Variants in USP8 observed in about 807,000 individuals in gnomAD.
USP8 encodes ubiquitin specific peptidase 8.
A neutral mutation model predicts 130.0 loss-of-function variants in USP8; 27 were observed. The observed-to-expected ratio is 0.21, with a 90% CI of 0.15 to 0.29. The LOEUF is 0.29. USP8 is among the 10% of genes least tolerant of loss of function. USP8 has a pLI of 1.00. For synonymous variants in USP8, 392 were observed against 444.1 expected, an observed-to-expected ratio of 0.88 and a Z score of 1.48; for missense variants, 1,029 against 1,312.2, an observed-to-expected ratio of 0.78 and a Z score of 3.33.
rs1335058895 is a variant in USP8 at position 50,481,638 on chromosome 15, A to G, written c.1376A>G (p.Asp459Gly). 1.9e-6 allele frequency: 3 copies of G among 1,614,068 alleles called. No individual in the cohort carries two copies. The highest frequency in any genetic ancestry group is 1.1e-5 in the South Asian group (1 of 91,060). Residue 459 changes from aspartate (D) to glycine (G), a missense_variant, in exon 11 of 20, where the codon GAT becomes GGT. Asp to Gly is a moderately conservative substitution (Grantham distance 94). This residue lies in a region of USP8 where 486 missense variants were observed against 522.0 expected (regional missense o/e 0.93). Transcript: ENST00000307179. ...VVFSPTLMLT[D>G]EEKARIHAET... Reference sequence around the variant, plus strand: ...TTTTCTCCAACTCTCATGTTAACAGATGAAGAAAAGGCTCGTATTCATGCA... The same window carrying G: ...TTTTCTCCAACTCTCATGTTAACAGGTGAAGAAAAGGCTCGTATTCATGCA...
chr15:50,495,483 T>G (rs200442497), intron 16 of USP8, among the ~76,000 whole-genome samples: 4,754 of 93,508 alleles, frequency 0.051, 118 homozygotes, highest in Middle Eastern at 0.082. Flanking sequence ...TAGTAGAGAT[T>G]GGAGGGGGGG....
At chr15:50,449,319 C>T in intron 3 of USP8, 81 bp from the exon 4 acceptor site, 2 of 846,840 alleles carry the variant, frequency 2.4e-6, no homozygotes, top group South Asian at 2.4e-5. Flanking sequence ...ATATAAGCAC[C>T]ATGATTTTAA....
At chr15:50,478,038 G>A (rs533843948) in intron 10 of USP8, among the ~76,000 whole-genome samples, 121 of 152,190 alleles carry the variant, frequency 8.0e-4, no homozygotes, top group African/African-American at 2.8e-3. Context: ...GCCAGTTGGC[G>A]ATCCATTTGC....
At chr15:50,471,874 A>T (rs2141292477) in intron 8 of USP8, 79 bp downstream of exon 8, 3 of 1,404,170 alleles carry the variant, frequency 2.1e-6, no homozygotes, top group South Asian at 1.2e-5. Flanking sequence ...CTAGTTGTTT[A>T]TCTTAAATAC....
chr15:50,445,797 C>T (rs1053278310), intron 3 of USP8, among the ~76,000 whole-genome samples: 35 of 148,540 alleles, frequency 2.4e-4, no homozygotes, highest in African/African-American at 8.0e-4. Flanking sequence ...GTGGAGGTTG[C>T]AGTGAGCTGA....
At chr15:50,485,961 T>A (rs1193678147) in intron 12 of USP8, among the ~76,000 whole-genome samples, 1 of 152,202 alleles carries the variant, frequency 6.6e-6, no homozygotes, top group Non-Finnish European at 1.5e-5. Context: ...AATAAAAGCC[T>A]GCACATGTTC....
chr15:50,452,933 G>A (rs973255775), intron 4 of USP8, among the ~76,000 whole-genome samples: 5 of 152,300 alleles, frequency 3.3e-5, no homozygotes, highest in Middle Eastern at 3.4e-3. Context: ...GAGGAGGCAA[G>A]GTAAAACAGT....
chr15:50,490,618 GA>G, intron 14 of USP8, 93 bp downstream of exon 14: 1 of 1,476,262 alleles, frequency 6.8e-7, no homozygotes, highest in Non-Finnish European at 9.0e-7. Context: ...CAGGGAGTTG[GA>G]AATTTCTGTG....
At chr15:50,493,301 GTGGTAACCTA>G in intron 15 of USP8, 2 of 519,224 alleles carry the variant, frequency 3.9e-6, no homozygotes, top group Non-Finnish European at 7.7e-6. Context: ...CGTGAATCTG[GTGGTAACCTA>G]TGAATAAGTA....
Position 50,427,683 on chromosome 15 carries a change from C to T in USP8, c.-66+3169C>T, listed in dbSNP as rs568033027. ...GTTTAAGCAATTCTGCTTCAGCCTC[C>T]CGAGTAGCTGGGACTATAGGCACCT... On this transcript the variant is annotated intron_variant, in intron 1 of 19. Transcript: ENST00000307179. 3.3e-5 allele frequency among the ~76,000 whole-genome samples: 5 copies of T among 151,492 alleles called. No individual in the cohort carries two copies. In the South Asian group the frequency reaches 6.3e-4, roughly 19 times the overall value.
At chr15:50,489,052 A>T (rs780343664) in intron 12 of USP8, among the ~76,000 whole-genome samples, 55 of 152,172 alleles carry the variant, frequency 3.6e-4, no homozygotes, top group Non-Finnish European at 5.6e-4. Flanking sequence ...AGAATATAAA[A>T]ATAGAAATGG....
rs1217922643 is a variant in USP8, at chr15:50,459,138, G to A, written c.474G>A (p.Leu158=). The change falls in exon 5 of 20, where the codon TTG becomes TTA. Residue 158 remains leucine, a synonymous_variant. Coordinates refer to ENST00000307179, the MANE Select transcript of USP8 (RefSeq NM_005154.5). ...CTAAAGGCTCTTTGGAGAATGTTTT[G>A]GATTCCAAAGACAAAACCCAAAAGG... ...TLAKGSLENV[L]DSKDKTQKSN... is the part of the protein sequence containing the mutation. 1.9e-6 allele frequency: 3 copies of A among 1,608,590 alleles called. No individual in the cohort carries two copies. In the Admixed American group the frequency reaches 5.1e-5, roughly 28 times the overall value.
In USP8 at chr15:50,500,782, A is replaced by G. The variant is rs1156793198; in HGVS notation, c.*1694A>G. 1 of 1,589,660 alleles carries G rather than the reference A, an allele frequency of 6.3e-7. No homozygotes were observed. The highest frequency in any genetic ancestry group is 2.3e-5 in the East Asian group (1 of 44,192). The stretch of plus-strand genomic sequence containing the variant: ...ATCAAAGCTATATCAGGCCTGGGTG[A>G]CTGAATTCTTGCAGAAAGCAGTGTA... On this transcript the variant is annotated 3_prime_UTR_variant, in exon 20 of 20. Coordinates refer to ENST00000307179, the MANE Select transcript of USP8 (RefSeq NM_005154.5).
intron 5 of USP8, 93 bp from the exon 6 acceptor site, chr15:50,462,187 T>TCC: frequency 9.2e-7 from 1 of 1,089,012 alleles, no homozygotes; most frequent in Non-Finnish European, 1.3e-6. Flanking sequence ...GTTCGTTTCT[T>TCC]AGAGTTTCCA....
At chr15:50,472,827 T>G (rs928202627) in intron 8 of USP8, among the ~76,000 whole-genome samples, 2 of 150,852 alleles carry the variant, frequency 1.3e-5, no homozygotes, top group Admixed American at 6.6e-5. Flanking sequence ...GGAGAATCGA[T>G]TGAACCCGGG....
chr15:50,436,463 CT>C (rs1270754005), intron 1 of USP8, among the ~76,000 whole-genome samples: 7 of 152,114 alleles, frequency 4.6e-5, no homozygotes, highest in Admixed American at 4.6e-4. Context: ...CTGCTTAAAA[CT>C]TTCTCTTCCA....
intron 10 of USP8, among the ~76,000 whole-genome samples, chr15:50,480,551 G>A (rs907875698): frequency 1.3e-5 from 2 of 152,178 alleles, no homozygotes; most frequent in African/African-American, 4.8e-5. Flanking sequence ...GGAGAGATGT[G>A]TAAGCCAAGA....
chr15:50,434,065 AT>A lies in USP8; in HGVS notation c.-65-4935del, dbSNP rs796664153. ...TAATTTTTCTTGCATATACTTAGTT[AT>A]TTTTTTTTCACTTGCAATCCTTCTT... On this transcript the variant is annotated intron_variant, in intron 1 of 19. Coordinates refer to ENST00000307179, the MANE Select transcript of USP8 (RefSeq NM_005154.5). 4.0e-3 allele frequency among the ~76,000 whole-genome samples: 605 copies of A among 149,630 alleles called. 5 individuals carry two copies. Among genetic ancestry groups the A allele is most frequent in the African/African-American group, 0.014 (557 of 40,666 alleles).
intron 1 of USP8, among the ~76,000 whole-genome samples, chr15:50,424,991 AAGAT>A (rs1443869105): frequency 1.5e-5 from 2 of 135,092 alleles, no homozygotes; most frequent in Non-Finnish European, 3.3e-5. Flanking sequence ...CCTCAAATAG[AAGAT>A]TTTTTTTTTT....
Sources: allele counts gnomAD v4.1 joint callset (sites outside exome capture counted in the v4.1 genomes callset), GRCh38; gene constraint gnomAD v4.1.1; regional missense constraint gnomAD v4.1.1; transcripts MANE v1.5; gene names NCBI Gene and HGNC (gene_info 2026-07-23, HGNC 2026-07-21).